The following TCERG1 variants were observed in gnomAD, a reference collection of about 807,000 sequenced individuals.
The protein encoded by TCERG1 is TATA box binding protein (TBP)-associated factor, RNA polymerase II, S, 150kD.
In TCERG1, 37 loss-of-function variants were observed where a neutral mutation model predicts 144.7. The observed-to-expected ratio is 0.26, with a 90% confidence interval of 0.20 to 0.34. The LOEUF is 0.34. TCERG1 is among the 10% of genes least tolerant of loss of function. TCERG1 has a pLI of 1.00. For synonymous variants in TCERG1, 492 were observed against 458.2 expected (o/e 1.07, Z -0.94); for missense variants, 1,027 against 1,380.7 (o/e 0.74, Z 4.06).
intron 7 of TCERG1, 93 bp from the exon 8 acceptor site, chr5:146,470,543 T>C: frequency 2.0e-6 from 2 of 998,970 alleles, no homozygotes; most frequent in Non-Finnish European, 2.9e-6. Flanking sequence ...GGTTAATACT[T>C]GGGAATGGAA....
intron 17 of TCERG1, among the ~76,000 whole-genome samples, chr5:146,500,741 C>T (rs950937357): frequency 1.3e-5 from 2 of 152,028 alleles, no homozygotes; most frequent in African/African-American, 4.8e-5. Flanking sequence ...TACTTATTGA[C>T]CAGGAGTGGT....
At chr5:146,510,363 G>T in intron 22 of TCERG1, 78 bp from the exon 23 acceptor site, 21 of 910,102 alleles carry the variant, frequency 2.3e-5, no homozygotes, top group Non-Finnish European at 3.2e-5. Context: ...TTAGGAACTA[G>T]ATGGACATTT....
At chr5:146,465,392 TA>T (rs1763688317) in intron 5 of TCERG1, among the ~76,000 whole-genome samples, 1 of 152,294 alleles carries the variant, frequency 6.6e-6, no homozygotes, top group Non-Finnish European at 1.5e-5. Flanking sequence ...TTATTAGGAC[TA>T]ATGGATGAAA....
intron 1 of TCERG1, among the ~76,000 whole-genome samples, chr5:146,454,532 G>T (rs191880695): frequency 8.9e-4 from 134 of 151,232 alleles, no homozygotes; most frequent in African/African-American, 3.1e-3. Flanking sequence ...GGCATCCATT[G>T]ATCATTCATC....
intron 9 of TCERG1, among the ~76,000 whole-genome samples, chr5:146,473,997 G>A (rs772265622): frequency 2.0e-5 from 3 of 151,982 alleles, no homozygotes; most frequent in African/African-American, 7.3e-5. Flanking sequence ...AGCTGCCATA[G>A]ATTGTGATTC....
At chr5:146,465,111 G>A (rs1763660334) in intron 5 of TCERG1, among the ~76,000 whole-genome samples, 1 of 152,134 alleles carries the variant, frequency 6.6e-6, no homozygotes, top group Non-Finnish European at 1.5e-5. Context: ...TTTAAGACAA[G>A]CAGCTGGATA....
chr5:146,458,318 A>C (rs1351485602), intron 3 of TCERG1, among the ~76,000 whole-genome samples: 1 of 151,516 alleles, frequency 6.6e-6, no homozygotes, highest in African/African-American at 2.4e-5. Flanking sequence ...CTGGGATTAC[A>C]GGCGCCTGCC....
chr5:146,473,756 G>A (rs1323190000), intron 9 of TCERG1, among the ~76,000 whole-genome samples: 1 of 152,150 alleles, frequency 6.6e-6, no homozygotes, highest in East Asian at 1.9e-4. Context: ...TTGATAGCAT[G>A]GTTTACTGAG....
chr5:146,504,146 C>A (rs755446995), intron 19 of TCERG1, 140 bp downstream of exon 19: 2 of 890,406 alleles, frequency 2.2e-6, no homozygotes, highest in Non-Finnish European at 1.5e-6. Flanking sequence ...AAATTGAATA[C>A]TTGGTATTAG....
At chr5:146,489,289 C>A (rs570951148) in intron 15 of TCERG1, among the ~76,000 whole-genome samples, 4 of 152,152 alleles carry the variant, frequency 2.6e-5, no homozygotes, top group African/African-American at 7.2e-5. Flanking sequence ...AAACACATTT[C>A]GATTGCACAT....
rs781223588 is a variant in TCERG1 at position 146,507,889 on chromosome 5, C to T, written c.2978C>T (p.Thr993Met). ...DETSAITLTS[T>M]WKEVKKIIKE... is the part of the protein sequence containing the mutation. ...TTTTCAAAGATTACCTTAACATCCA[C>T]GTGGAAAGAAGTAAAAAAAATCATT... The change falls in exon 21 of 23, where the codon ACG becomes ATG. Residue 993 changes from threonine to methionine, a missense_variant. Coordinates refer to ENST00000679501, the MANE Select transcript of TCERG1 (RefSeq NM_001382548.1). The surrounding 1 kb of genome is among the most constrained non-coding windows in gnomAD (Gnocchi z 4.6). 2.5e-5 allele frequency: 41 copies of T among 1,609,412 alleles called. No homozygotes were observed. The highest frequency in any genetic ancestry group is 3.5e-5 in the Non-Finnish European group (41 of 1,177,510).
At chr5:146,495,840 A>G (rs1474382772) in intron 16 of TCERG1, among the ~76,000 whole-genome samples, 3 of 152,200 alleles carry the variant, frequency 2.0e-5, no homozygotes, top group African/African-American at 7.2e-5. Context: ...ACCATGCTAA[A>G]TATAGGATTG....
chr5:146,495,893 G>A (rs1368133418), intron 16 of TCERG1, among the ~76,000 whole-genome samples: 1 of 152,044 alleles, frequency 6.6e-6, no homozygotes, highest in Non-Finnish European at 1.5e-5. Context: ...AGTGGCTCGC[G>A]CCTGTAATCC....
At chr5:146,471,370 C>G (rs1764279763) in intron 8 of TCERG1, 118 bp from the exon 9 acceptor site, 3 of 869,734 alleles carry the variant, frequency 3.4e-6, no homozygotes, top group Non-Finnish European at 5.2e-6. Flanking sequence ...AGAGTCTCCT[C>G]TTATTCTAGC....
At chr5:146,484,266 T>A (rs990275939) in intron 15 of TCERG1, among the ~76,000 whole-genome samples, 1 of 152,184 alleles carries the variant, frequency 6.6e-6, no homozygotes, top group South Asian at 2.1e-4. Context: ...TTAGTGTTGC[T>A]TTTTATTCCC....
intron 6 of TCERG1, 132 bp from the exon 7 acceptor site, chr5:146,469,412 T>A (rs900047128): frequency 5.9e-6 from 4 of 678,122 alleles, no homozygotes; most frequent in Non-Finnish European, 9.0e-6. Context: ...CCTTTTTATA[T>A]GATTTTTGTT....
At position 146,459,292 on chromosome 5, in the gene TCERG1, A is replaced by T; in HGVS notation, c.847A>T (p.Thr283Ser). 3 of 1,614,108 alleles carry T rather than the reference A, an allele frequency of 1.9e-6. No homozygotes were observed. The highest frequency in any genetic ancestry group is 2.5e-6 in the Non-Finnish European group (3 of 1,179,996). ...STSSSTPSST[T>S]STTTTATSVA... ...ATCATCATCCACCCCTTCCTCTACC[A>T]CTTCTACCACAACAACTGCTACTTC... Residue 283 changes from threonine (T) to serine (S), a missense_variant, in exon 4 of 23, where the codon ACT becomes TCT. Physicochemically the swap from Thr to Ser is moderately conservative, Grantham distance 58. This residue lies in a region of TCERG1 where 187 missense variants were observed against 169.1 expected (regional missense o/e 1.11). Coordinates refer to ENST00000679501, the MANE Select transcript of TCERG1 (RefSeq NM_001382548.1).
intron 3 of TCERG1, among the ~76,000 whole-genome samples, chr5:146,458,352 A>G (rs1035232710): frequency 6.0e-5 from 9 of 149,162 alleles, no homozygotes; most frequent in Non-Finnish European, 1.3e-4. Flanking sequence ...AAATTTTTGT[A>G]TTTTTAGTAG....
At chr5:146,499,099 T>G (rs1428689737) in intron 17 of TCERG1, among the ~76,000 whole-genome samples, 1 of 152,218 alleles carries the variant, frequency 6.6e-6, no homozygotes, top group Admixed American at 6.5e-5. Context: ...AGTAAACATA[T>G]CTTACATATA....
Sources: gnomAD v4.1 joint callset for allele counts (sites outside exome capture counted in the v4.1 genomes callset) on GRCh38, gnomAD v4.1.1 for gene constraint, gnomAD v4.1.1 regional missense constraint, Gnocchi (gnomAD v3.1) non-coding constraint, MANE v1.5 for transcripts, NCBI Gene and HGNC (gene_info 2026-07-23, HGNC 2026-07-21) for gene names.